HSD17B6: variants seen among roughly 807,000 people sequenced by gnomAD.
HSD17B6 encodes the protein hydroxysteroid 17-beta dehydrogenase 6, also known as 17-beta-hydroxysteroid dehydrogenase type 6.
In HSD17B6, 16 loss-of-function variants were observed where a neutral mutation model predicts 26.4. The observed-to-expected ratio is 0.61, with a 90% CI of 0.41 to 0.92. The LOEUF (loss-of-function observed/expected upper bound fraction) is 0.92, where lower values mean the gene tolerates loss of function less well. Ranked by LOEUF, HSD17B6 falls within the 40% of genes least tolerant of loss-of-function variation. The pLI is 0.00. For synonymous variants in HSD17B6, 139 were observed against 153.0 expected (o/e 0.91, Z 0.68); for missense variants, 357 against 386.1 (o/e 0.92, Z 0.63).
intron 1 of HSD17B6, among the ~76,000 whole-genome samples, chr12:56,767,666 T>C (rs1020258528): frequency 6.9e-6 from 1 of 144,762 alleles, no homozygotes; most frequent in Non-Finnish European, 1.5e-5. Context: ...ATATATATAG[T>C]GTATATATTA....
chr12:56,770,321 C>G (rs1954443352), intron 1 of HSD17B6: 1 of 152,588 alleles, frequency 6.6e-6, no homozygotes, highest in Non-Finnish European at 1.5e-5. Flanking sequence ...CCAGACCAGG[C>G]TTTTGAAAAA....
chr12:56,765,645 G>A (rs1954310307), intron 1 of HSD17B6, among the ~76,000 whole-genome samples: 1 of 150,532 alleles, frequency 6.6e-6, no homozygotes, highest in African/African-American at 2.4e-5. Flanking sequence ...CAGAGTAGCT[G>A]GGACTACAGG....
chr12:56,767,442 G>A (rs1954355406), intron 1 of HSD17B6, among the ~76,000 whole-genome samples: 1 of 150,996 alleles, frequency 6.6e-6, no homozygotes, highest in East Asian at 1.9e-4. Flanking sequence ...GCGTGAACCT[G>A]GGAGGCAGAG....
Position 56,763,432 on chromosome 12 carries a change from G to GGTGGTTGTGTGT in HSD17B6, c.-20+22_-20+33dup, listed in dbSNP as rs1954247455. The GGTGGTTGTGTGT allele has an allele frequency of 7.1e-6, 1 of 141,596 alleles. No individual in the cohort carries two copies. The highest frequency in any genetic ancestry group is 7.3e-5 in the Admixed American group (1 of 13,654). The allele number at this position is 141,596 out of a possible 1,614,324, so 8.8% of individuals were successfully genotyped here. A position where few individuals can be genotyped will look rare whatever the true frequency, so the allele number is the denominator to read the frequency against. On this transcript the variant is annotated intron_variant, in intron 1 of 4. Transcript: ENST00000322165. Reference sequence around the variant, plus strand: ...CAAGTCCGGTATGTAGGTGGGTAAGGGTGGTTGTGTGTGTGTGTGTGTGTG... The same window carrying GGTGGTTGTGTGT: ...CAAGTCCGGTATGTAGGTGGGTAAGGGTGGTTGTGTGTGTGGTTGTGTGTGTGTGTGTGTGTG...
intron 1 of HSD17B6, among the ~76,000 whole-genome samples, chr12:56,769,121 G>A (rs868416748): frequency 3.9e-4 from 22 of 57,134 alleles, no homozygotes; most frequent in Non-Finnish European, 4.7e-4. Context: ...TTTTTTTTTT[G>A]AGGCAGAGTC....
chr12:56,764,778 T>C (rs551127470), intron 1 of HSD17B6, among the ~76,000 whole-genome samples: 2 of 152,180 alleles, frequency 1.3e-5, no homozygotes, highest in African/African-American at 4.8e-5. Context: ...GAAGCCTGAT[T>C]TTGAACCCAG....
chr12:56,784,525 A>T (rs1954831213), intron 3 of HSD17B6, among the ~76,000 whole-genome samples: 1 of 152,192 alleles, frequency 6.6e-6, no homozygotes, highest in Non-Finnish European at 1.5e-5. Context: ...AAAAATACGA[A>T]AACCAGTCAG....
chr12:56,780,331 C>G (rs1954685779), intron 2 of HSD17B6, among the ~76,000 whole-genome samples: 1 of 152,170 alleles, frequency 6.6e-6, no homozygotes, highest in Non-Finnish European at 1.5e-5. Context: ...ATTCAAAGAC[C>G]TGTACTAACA....
Position 56,780,966 on chromosome 12 carries a change from T to C in HSD17B6, c.314-1008T>C, listed in dbSNP as rs58783710. On this transcript the variant is annotated intron_variant, in intron 2 of 4. Transcript: ENST00000322165. ...TAAAATAGACATGTCAGGTTATAAA[T>C]GACCCTGTCTCCTTTGTTCAGTATA... 4.3e-3 allele frequency among the ~76,000 whole-genome samples: 652 copies of C among 152,094 alleles called. 3 individuals carry two copies. The highest frequency in any genetic ancestry group is 0.015 in the African/African-American group (623 of 41,484).
Position 56,784,689 on chromosome 12 carries a change from G to A in HSD17B6, c.573-164G>A, listed in dbSNP as rs113125925. 2.4e-3 allele frequency among the ~76,000 whole-genome samples: 372 copies of A among 152,252 alleles called. 1 individual carries two copies. Among genetic ancestry groups the A allele is most frequent in the African/African-American group, 8.6e-3 (357 of 41,546 alleles). On this transcript the variant is annotated intron_variant, in intron 3 of 4. Coordinates refer to ENST00000322165, the MANE Select transcript of HSD17B6 (RefSeq NM_003725.4). ...ATGGAAAGAGAGGGAGAGGGAGACC[G>A]TGGGGAGAGGGAGACGAGGGAGAGG...
intron 1 of HSD17B6, among the ~76,000 whole-genome samples, chr12:56,769,205 C>T (rs746664131): frequency 1.3e-5 from 2 of 150,440 alleles, no homozygotes; most frequent in Admixed American, 1.3e-4. Flanking sequence ...CAGGTTTAAG[C>T]GATTCTTGTG....
At chr12:56,771,448 A>ATTTTTTTTT (rs35374137) in intron 1 of HSD17B6, among the ~76,000 whole-genome samples, 2 of 93,328 alleles carry the variant, frequency 2.1e-5, no homozygotes, top group Non-Finnish European at 4.2e-5. Context: ...AAGGGTTGCA[A>ATTTTTTTTT]TTTTTTTTTT....
At chr12:56,769,171 T>C (rs1470257642) in intron 1 of HSD17B6, among the ~76,000 whole-genome samples, 5 of 151,548 alleles carry the variant, frequency 3.3e-5, no homozygotes, top group Admixed American at 6.6e-5. Context: ...GGCGTGATCT[T>C]GGCTTACTGC....
At position 56,784,896 on chromosome 12, in the gene HSD17B6, C is replaced by A. The variant is rs750991685; in HGVS notation, c.616C>A (p.Pro206Thr). ...TGGGGTGAAAATCAGCATAGTTGAACCTGGCTACTTCAGAACGGGAATGAC... is the reference window on the plus strand; with the variant it reads ...TGGGGTGAAAATCAGCATAGTTGAAACTGGCTACTTCAGAACGGGAATGAC... ...HFGVKISIVE[P>T]GYFRTGMTNM... The change falls in exon 4 of 5, where the codon CCT (proline) becomes ACT (threonine). Residue 206 changes from proline to threonine, a missense_variant. By Grantham distance (38) the Pro-to-Thr change is conservative. Coordinates refer to ENST00000322165, the MANE Select transcript of HSD17B6 (RefSeq NM_003725.4). The A allele has an allele frequency of 2.5e-6, 4 of 1,613,988 alleles. No homozygotes were observed. In the South Asian group the frequency reaches 3.3e-5, roughly 13 times the overall value.
intron 2 of HSD17B6, among the ~76,000 whole-genome samples, chr12:56,778,012 C>T (rs1954629968): frequency 1.3e-5 from 2 of 152,166 alleles, no homozygotes. Flanking sequence ...AGACTGTGAG[C>T]TCCTTGAAGA....
At chr12:56,767,751 G>A (rs890478187) in intron 1 of HSD17B6, among the ~76,000 whole-genome samples, 11 of 141,258 alleles carry the variant, frequency 7.8e-5, no homozygotes, top group East Asian at 2.0e-4. Context: ...TTATATATAC[G>A]TATATATATG....
chr12:56,786,217 A>T (rs1041354655), intron 4 of HSD17B6, among the ~76,000 whole-genome samples: 2 of 151,946 alleles, frequency 1.3e-5, no homozygotes, highest in Non-Finnish European at 2.9e-5. Context: ...AAACCTATTT[A>T]AAAATCCTCT....
chr12:56,772,446 G>C (rs1344277304), intron 1 of HSD17B6, among the ~76,000 whole-genome samples: 1 of 152,096 alleles, frequency 6.6e-6, no homozygotes, highest in Non-Finnish European at 1.5e-5. Context: ...TGTAATCCCA[G>C]CATTTTGGGA....
chr12:56,764,106 GA>G (rs1434326810), intron 1 of HSD17B6, among the ~76,000 whole-genome samples: 31 of 126,088 alleles, frequency 2.5e-4, no homozygotes, highest in African/African-American at 7.8e-4. Context: ...AAGAAAAAAA[GA>G]AAAAAAAAAG....
Sources: gnomAD v4.1 joint callset for allele counts (sites outside exome capture counted in the v4.1 genomes callset) on GRCh38, gnomAD v4.1.1 for gene constraint, MANE v1.5 for transcripts, NCBI Gene and HGNC (gene_info 2026-07-23, HGNC 2026-07-21) for gene names.